SPOP: variants seen among roughly 807,000 people sequenced by gnomAD.
SPOP encodes the protein speckle type BTB/POZ protein.
Under a neutral mutation model 45.6 loss-of-function variants are expected in SPOP, and 11 were observed. The ratio of observed to expected loss-of-function variants is 0.24; its 90% CI spans 0.15 to 0.40. The LOEUF (loss-of-function observed/expected upper bound fraction) is 0.40. Ranked by LOEUF, SPOP falls within the 10% of genes least tolerant of loss-of-function variation. The pLI is 1.00. For synonymous variants in SPOP, 166 were observed against 166.3 expected, an observed-to-expected ratio of 1.00 and a Z score of 0.01; for missense variants, 152 against 465.6, an observed-to-expected ratio of 0.33 and a Z score of 6.20.
chr17:49,675,161 C>T (rs1277532681), intron 1 of SPOP, among the ~76,000 whole-genome samples: 1 of 152,190 alleles, frequency 6.6e-6, no homozygotes, highest in Non-Finnish European at 1.5e-5. Flanking sequence ...TTTAAACCAA[C>T]AGACACCCAT....
chr17:49,624,422 T>C (rs145816030), intron 1 of SPOP, among the ~76,000 whole-genome samples: 16 of 152,280 alleles, frequency 1.1e-4, no homozygotes, highest in African/African-American at 3.6e-4. Flanking sequence ...CATTTCACTA[T>C]GCATATGCAA....
rs528240821 is a variant in SPOP, at chr17:49,629,067, C to T, written c.-66-6191G>A. On this transcript the variant is annotated intron_variant, in intron 1 of 9. Transcript: ENST00000504102. ...GACCAGCCTGACCAACATAGCGAAA[C>T]CCCGTCTCTACTAAAAACACAAAAA... Among the ~76,000 whole-genome samples, 4 of 151,406 alleles carry T rather than the reference C, an allele frequency of 2.6e-5. No homozygotes were observed. In the South Asian group the frequency reaches 8.4e-4, roughly 32 times the overall value.
chr17:49,672,448 TG>T (rs748178478), intron 1 of SPOP, among the ~76,000 whole-genome samples: 6 of 152,228 alleles, frequency 3.9e-5, no homozygotes, highest in Non-Finnish European at 8.8e-5. Context: ...TCATTAATAG[TG>T]GGACATTATG....
Position 49,601,865 on chromosome 17 carries a change from T to C in SPOP, c.980A>G (p.Tyr327Cys). Residue 327 changes from tyrosine to cysteine, a missense_variant and splice_region_variant, in exon 9 of 10, where the codon TAT becomes TGT. Around this residue, in one of 3 missense-constraint regions of SPOP, gnomAD observed 106 missense variants for 255.2 expected, o/e 0.42. Coordinates refer to ENST00000504102, the MANE Select transcript of SPOP (RefSeq NM_001007228.2). ...AAGAACTTTGAAGATGCCAACTCAC[T>C]AGTTGATGAAATCCACTGCCTGAGT... The part of the protein sequence containing the change: ...LKTQAVDFIN[Y>C]HASDVLETSG... The C allele has an allele frequency of 6.2e-7, 1 of 1,613,932 alleles. No individual in the cohort carries two copies. Among genetic ancestry groups the C allele is most frequent in the Non-Finnish European group, 8.5e-7 (1 of 1,179,862 alleles).
At chr17:49,666,077 C>T (rs1006592732) in intron 1 of SPOP, among the ~76,000 whole-genome samples, 9 of 151,246 alleles carry the variant, frequency 6.0e-5, no homozygotes, top group Admixed American at 5.9e-4. Context: ...TATTATAAAG[C>T]TATGAGAATT....
At chr17:49,622,515 C>G (rs2072240156) in intron 2 of SPOP, 1 of 576,442 alleles carries the variant, frequency 1.7e-6, no homozygotes, top group Non-Finnish European at 3.1e-6. Context: ...TTCAAAGATT[C>G]CCCCTTTCAA....
chr17:49,644,773 T>C (rs1379378324), intron 1 of SPOP, among the ~76,000 whole-genome samples: 2 of 152,192 alleles, frequency 1.3e-5, no homozygotes, highest in African/African-American at 2.4e-5. Context: ...CATATGTATA[T>C]AATTTATTGT....
intron 1 of SPOP, among the ~76,000 whole-genome samples, chr17:49,637,677 CCT>C (rs1488498559): frequency 2.0e-5 from 3 of 152,076 alleles, no homozygotes; most frequent in East Asian, 3.8e-4. Flanking sequence ...AATAAACTGA[CCT>C]ATGAGTGCAG....
At chr17:49,622,163 C>CA in intron 2 of SPOP, 96 bp from the exon 3 acceptor site, 2 of 1,463,956 alleles carry the variant, frequency 1.4e-6, no homozygotes, top group Non-Finnish European at 1.9e-6. Flanking sequence ...CCTCCCTCTG[C>CA]ATGATCCTGA....
At position 49,653,027 on chromosome 17, in the gene SPOP, C is replaced by G. The variant is rs376501494; in HGVS notation, c.-67+24906G>C. On this transcript the variant is annotated intron_variant, in intron 1 of 9. Transcript: ENST00000504102. The stretch of plus-strand genomic sequence containing the variant: ...AAGAACAAGTCAATATATTCATAAG[C>G]TATTGCTATCCTCAGGGCCTGAATT... Among the ~76,000 whole-genome samples the G allele has an allele frequency of 6.6e-5, 10 of 152,222 alleles. 1 individual carries two copies. In the East Asian group the frequency reaches 1.5e-3, roughly 24 times the overall value.
intron 1 of SPOP, among the ~76,000 whole-genome samples, chr17:49,671,097 T>C (rs181342033): frequency 6.6e-6 from 1 of 152,174 alleles, no homozygotes; most frequent in African/African-American, 2.4e-5. Context: ...GGGTGGTCAA[T>C]GCTCTCTTCA....
Position 49,677,950 on chromosome 17 carries a change from A to AG in SPOP, c.-85dup. On this transcript the variant is annotated 5_prime_UTR_variant, in exon 1 of 10. The change abolishes the stop of an existing upstream ORF in the 5' untranslated region. Coordinates refer to ENST00000504102, the MANE Select transcript of SPOP (RefSeq NM_001007228.2). ...CCACTCACCTGAGAGCGGCGGCGAC[A>AG]GCTGCTGGTCCCCGTCCCCCTGCGC... 4.8e-6 allele frequency: 1 copy of AG among 210,196 alleles called. No individual in the cohort carries two copies. The highest frequency in any genetic ancestry group is 9.0e-6 in the Non-Finnish European group (1 of 111,278). 13.0% of individuals were successfully genotyped at this position (210,196 alleles called of 1,614,324 possible).
chr17:49,635,557 C>A (rs371998120), intron 1 of SPOP, among the ~76,000 whole-genome samples: 11 of 150,182 alleles, frequency 7.3e-5, no homozygotes, highest in African/African-American at 2.4e-4. Context: ...GTAAAATACA[C>A]AAAGGCAATT....
At chr17:49,641,280 A>AG (rs1224376974) in intron 1 of SPOP, among the ~76,000 whole-genome samples, 1 of 150,696 alleles carries the variant, frequency 6.6e-6, no homozygotes, top group East Asian at 1.9e-4. Flanking sequence ...AAAAAAAAAA[A>AG]AAAAAAAAAA....
chr17:49,632,573 A>C (rs2072471052), intron 1 of SPOP, among the ~76,000 whole-genome samples: 3 of 151,490 alleles, frequency 2.0e-5, no homozygotes, highest in Non-Finnish European at 2.9e-5. Flanking sequence ...GCTCACTGCA[A>C]CCTCCACCTC....
intron 5 of SPOP, among the ~76,000 whole-genome samples, chr17:49,613,633 A>G (rs1597915511): frequency 6.6e-6 from 1 of 152,212 alleles, no homozygotes; most frequent in East Asian, 1.9e-4. Flanking sequence ...CACAGCAGAA[A>G]AGAGAATGTA....
intron 6 of SPOP, among the ~76,000 whole-genome samples, chr17:49,610,944 A>G (rs914321078): frequency 2.0e-5 from 3 of 152,078 alleles, no homozygotes; most frequent in African/African-American, 4.8e-5. Context: ...TCTCCATTAC[A>G]TCCTAAACCC....
At chr17:49,629,142 T>C (rs1334251719) in intron 1 of SPOP, among the ~76,000 whole-genome samples, 3 of 152,018 alleles carry the variant, frequency 2.0e-5, no homozygotes, top group Non-Finnish European at 4.4e-5. Context: ...CTCAAGAGGC[T>C]GAGGCAGGAG....
At chr17:49,611,077 C>T (rs1358170993) in intron 6 of SPOP, among the ~76,000 whole-genome samples, 1 of 152,102 alleles carries the variant, frequency 6.6e-6, no homozygotes, top group Non-Finnish European at 1.5e-5. Flanking sequence ...AGGTCCACTA[C>T]AGAGAGGAAA....
Sources: gnomAD v4.1 joint callset for allele counts (sites outside exome capture counted in the v4.1 genomes callset) on GRCh38, gnomAD v4.1.1 for gene constraint, gnomAD v4.1.1 regional missense constraint, MANE v1.5 for transcripts, NCBI Gene and HGNC (gene_info 2026-07-23, HGNC 2026-07-21) for gene names.